The following DNAH5 variants were observed in gnomAD, a reference collection of about 807,000 sequenced individuals.
DNAH5 encodes the protein axonemal beta dynein heavy chain 5.
A neutral mutation model predicts 518.2 loss-of-function variants in DNAH5; 372 were observed. The observed-to-expected ratio is 0.72, with a 90% CI of 0.66 to 0.78. DNAH5 has a LOEUF of 0.78. Among genes scored for constraint, DNAH5 ranks in the 30% least tolerant of loss-of-function variants. DNAH5 has a pLI of 0.00. For missense variants in DNAH5, 5,523 were observed against 5,687.0 expected (o/e 0.97, Z 0.93); for synonymous variants, 2,039 against 2,025.9 (o/e 1.01, Z -0.17).
In DNAH5 at chr5:13,778,588, A is replaced by G. The variant is rs940310981; in HGVS notation, c.8952-1233T>C. Among the ~76,000 whole-genome samples, 25 of 73,396 alleles carry G rather than the reference A, an allele frequency of 3.4e-4. 1 individual carries two copies. The highest frequency in any genetic ancestry group is 1.4e-3 in the African/African-American group (24 of 17,606). The allele number at this position is 73,396 out of a possible 152,430, so 48.2% of individuals were successfully genotyped here. On this transcript the variant is annotated intron_variant, in intron 53 of 78. Coordinates refer to ENST00000265104, the MANE Select transcript of DNAH5 (RefSeq NM_001369.3). ...AAAGAAAGAAAGAAAGAAAGAAAGAAAGAAAGAAAGAGAGAGAGAAAGAAA... is the reference window on the plus strand; with the variant it reads ...AAAGAAAGAAAGAAAGAAAGAAAGAGAGAAAGAAAGAGAGAGAGAAAGAAA...
At position 13,871,672 on chromosome 5, in the gene DNAH5, G is replaced by A. The variant is rs370578193; in HGVS notation, c.3490C>T (p.Pro1164Ser). 5.0e-6 allele frequency: 8 copies of A among 1,613,564 alleles called. No homozygotes were observed. The highest frequency in any genetic ancestry group is 2.2e-5 in the East Asian group (1 of 44,886). ...TGGGACTCAAATTCAGAAAGCAAGG[G>A]GCTCTGTGTAATAAATGTCTTAATG... The part of the protein sequence containing the change: ...EAIKTFITQS[P>S]LLSEFESQIL... The change falls in exon 23 of 79, where the codon CCC becomes TCC. Residue 1164 changes from proline (P) to serine (S), a missense_variant. Transcript: ENST00000265104.
intron 74 of DNAH5, among the ~76,000 whole-genome samples, chr5:13,715,249 A>G (rs1425366804): frequency 6.6e-6 from 1 of 152,232 alleles, no homozygotes; most frequent in Non-Finnish European, 1.5e-5. Context: ...ACATATTTCT[A>G]TGTATGAATC....
chr5:13,785,911 T>G (rs531950017), intron 52 of DNAH5, among the ~76,000 whole-genome samples: 1 of 152,316 alleles, frequency 6.6e-6, no homozygotes, highest in Admixed American at 6.5e-5. Context: ...ATATTCATCC[T>G]CCGTGGTGAA....
At chr5:13,998,229 A>G (rs1784099024) in intron 1 of DNAH5, among the ~76,000 whole-genome samples, 1 of 152,144 alleles carries the variant, frequency 6.6e-6, no homozygotes, top group Non-Finnish European at 1.5e-5. Flanking sequence ...TCTCTGTTCC[A>G]TCCATGGCAC....
In DNAH5 at chr5:13,721,200, C is replaced by T; in HGVS notation, c.12079G>A (p.Gly4027Ser). The T allele has an allele frequency of 1.9e-6, 3 of 1,614,116 alleles. No individual in the cohort carries two copies. The highest frequency in any genetic ancestry group is 2.5e-6 in the Non-Finnish European group (3 of 1,180,000). ...VDSMGEKYAE[G>S]VILDLEKTWE... ...GTCTTCTCCAAGTCTAAAATAACAC[C>T]TTCGGCATATTTTTCTCCCATGGAG... Residue 4027 changes from glycine to serine, a missense_variant, in exon 71 of 79, where the codon GGT (glycine) becomes AGT (serine). Gly to Ser is a moderately conservative substitution (Grantham distance 56, BLOSUM62 0). This residue lies in a region of DNAH5 where 5,121 missense variants were observed against 5,223.3 expected (regional missense o/e 0.98). Coordinates refer to ENST00000265104, the MANE Select transcript of DNAH5 (RefSeq NM_001369.3).
chr5:13,807,863 T>G, intron 46 of DNAH5, 138 bp from the exon 47 acceptor site: 1 of 761,548 alleles, frequency 1.3e-6, no homozygotes, highest in Non-Finnish European at 2.2e-6. Context: ...ATAAGGTCTT[T>G]AAAGAGGTGA....
intron 1 of DNAH5, among the ~76,000 whole-genome samples, chr5:13,995,540 G>C (rs1256294260): frequency 6.6e-6 from 1 of 151,922 alleles, no homozygotes; most frequent in Admixed American, 6.6e-5. Context: ...TGAACACAAA[G>C]CCAGGTATTA....
chr5:13,898,631 T>G (rs1053277186), intron 15 of DNAH5: 1 of 398,496 alleles, frequency 2.5e-6, no homozygotes, highest in African/African-American at 2.1e-5. Context: ...AGTTTTGTCA[T>G]CTACGAAATA....
At chr5:13,789,558 C>T (rs900983343) in intron 50 of DNAH5, among the ~76,000 whole-genome samples, 3 of 152,144 alleles carry the variant, frequency 2.0e-5, no homozygotes, top group South Asian at 2.1e-4. Flanking sequence ...TTCTTAGCTT[C>T]GTAACATTTT....
rs1759800960 is a variant in DNAH5 at position 13,807,498 on chromosome 5, G to A, written c.7887+93C>T. ...GATTTATCATGGCTATGAAAATTCA[G>A]ATGAGATTCAATTGAAGCAGAATAG... On this transcript the variant is annotated intron_variant, in intron 47 of 78. Transcript: ENST00000265104. 2.4e-6 allele frequency: 3 copies of A among 1,247,544 alleles called. No individual in the cohort carries two copies. In the Admixed American group the frequency reaches 5.8e-5, roughly 24 times the overall value. The allele number at this position is 1,247,544 out of a possible 1,614,324, so 77.3% of individuals were successfully genotyped here. A position where few individuals can be genotyped will look rare whatever the true frequency, so the allele number is the denominator to read the frequency against.
In DNAH5 at chr5:13,734,194, T is replaced by C. The variant is rs568775895; in HGVS notation, c.11761+937A>G. Among the ~76,000 whole-genome samples, 73 of 152,208 alleles carry C rather than the reference T, an allele frequency of 4.8e-4. 2 individuals are homozygous for C. Among genetic ancestry groups the C allele is most frequent in the Middle Eastern group, 6.8e-3 (2 of 294 alleles). On this transcript the variant is annotated intron_variant, in intron 68 of 78. Coordinates refer to ENST00000265104, the MANE Select transcript of DNAH5 (RefSeq NM_001369.3). ...TGCTCCCCAGCATGTGAAGATGCAA[T>C]GAGAAGACAGTTGTCTACAACCCAG...
intron 71 of DNAH5, 125 bp downstream of exon 71, chr5:13,720,875 T>A: frequency 7.6e-7 from 1 of 1,319,634 alleles, no homozygotes; most frequent in Non-Finnish European, 1.0e-6. Flanking sequence ...AAAAAAACGC[T>A]GTTTAGTAAA....
intron 1 of DNAH5, among the ~76,000 whole-genome samples, chr5:13,974,140 T>G (rs1359783095): frequency 6.7e-6 from 1 of 150,074 alleles, no homozygotes; most frequent in Non-Finnish European, 1.5e-5. Context: ...TTTCTTTTCT[T>G]TTCTTTTTTT....
At chr5:13,705,379 C>A (rs1742655234) in intron 76 of DNAH5, among the ~76,000 whole-genome samples, 1 of 152,108 alleles carries the variant, frequency 6.6e-6, no homozygotes, top group Admixed American at 6.5e-5. Flanking sequence ...TGAGGTAATG[C>A]CTATGTTAAT....
At chr5:13,844,688 G>T in intron 32 of DNAH5, 149 bp downstream of exon 32, 1 of 935,400 alleles carries the variant, frequency 1.1e-6, no homozygotes, top group Non-Finnish European at 1.8e-6. Context: ...AAGGTAAATT[G>T]GGCCCCGAGA....
intron 1 of DNAH5, among the ~76,000 whole-genome samples, chr5:13,977,745 C>G (rs339431): frequency 0.34 from 51,477 of 152,012 alleles, 9,271 homozygotes; most frequent in South Asian, 0.46. Context: ...TGGGATCCAA[C>G]TGTACCTGGA....
intron 43 of DNAH5, 101 bp downstream of exon 43, chr5:13,814,504 C>A: frequency 8.8e-7 from 1 of 1,134,138 alleles, no homozygotes; most frequent in Non-Finnish European, 1.3e-6. Context: ...CATAAAAATG[C>A]AGTTACACTG....
chr5:13,988,187 C>T (rs1306918665), intron 1 of DNAH5, among the ~76,000 whole-genome samples: 17 of 152,126 alleles, frequency 1.1e-4, no homozygotes. Context: ...AGTAGAAAAT[C>T]GTAGTATCAT....
chr5:13,711,012 T>C (rs1743411243), intron 75 of DNAH5, among the ~76,000 whole-genome samples: 1 of 152,198 alleles, frequency 6.6e-6, no homozygotes. Flanking sequence ...CCTTAATTCA[T>C]TCTATGAAGC....
Sources: gnomAD v4.1 joint callset for allele counts (sites outside exome capture counted in the v4.1 genomes callset) on GRCh38, gnomAD v4.1.1 for gene constraint, gnomAD v4.1.1 regional missense constraint, MANE v1.5 for transcripts, NCBI Gene and HGNC (gene_info 2026-07-23, HGNC 2026-07-21) for gene names.